B3GALT1: variants seen among roughly 807,000 people sequenced by gnomAD.
B3GALT1 encodes the protein beta-1,3-galactosyltransferase 1.
Under a neutral mutation model 23.2 loss-of-function variants are expected in B3GALT1, and 10 were observed. That is an observed-to-expected ratio of 0.43 (90% CI 0.27 to 0.73). B3GALT1 has a LOEUF of 0.73. Among genes scored for constraint, B3GALT1 ranks in the 30% least tolerant of loss-of-function variants. The probability of loss-of-function intolerance (pLI) is 0.21; values close to 1 mark genes in which losing one functional copy is unlikely to be tolerated. For synonymous variants in B3GALT1, 156 were observed against 141.5 expected (o/e 1.10, Z -0.73); for missense variants, 299 against 405.4 (o/e 0.74, Z 2.25).
At chr2:167,456,586 C>G (rs1699176899) in intron 1 of B3GALT1, among the ~76,000 whole-genome samples, 1 of 152,320 alleles carries the variant, frequency 6.6e-6, no homozygotes, top group Middle Eastern at 3.4e-3. Flanking sequence ...CCAGGTTATT[C>G]ATACTTCTGT....
chr2:167,363,556 G>A (rs1218714951), intron 1 of B3GALT1, among the ~76,000 whole-genome samples: 3 of 152,086 alleles, frequency 2.0e-5, no homozygotes, highest in Non-Finnish European at 4.4e-5. Context: ...CACAAGGAGT[G>A]GCTCACCTCC....
At chr2:167,483,013 G>A (rs2105337323) in intron 1 of B3GALT1, among the ~76,000 whole-genome samples, 1 of 152,190 alleles carries the variant, frequency 6.6e-6, no homozygotes, top group South Asian at 2.1e-4. Flanking sequence ...GAGGCCAGTG[G>A]CCAGGCGGGG....
intron 3 of B3GALT1, among the ~76,000 whole-genome samples, chr2:167,683,155 G>C (rs940470572): frequency 1.9e-4 from 29 of 152,178 alleles, no homozygotes; most frequent in African/African-American, 7.0e-4. Flanking sequence ...AATACTTTAA[G>C]CAGTTGGAGC....
At chr2:167,630,831 G>A (rs1409460174) in intron 2 of B3GALT1, among the ~76,000 whole-genome samples, 1 of 151,750 alleles carries the variant, frequency 6.6e-6, no homozygotes, top group East Asian at 1.9e-4. Flanking sequence ...AAGAAATACT[G>A]TAGAACAAAT....
rs565316774 is a variant in B3GALT1 at position 167,389,929 on chromosome 2, AAAAAAAAAGAAAG to A, written c.-511+96600_-511+96612del. ...CTGTCCAAAAAAAAAAAAAAACAAA[AAAAAAAAAGAAAG>A]AAAAGAAAACCATCGCATGAGAAGA... On this transcript the variant is annotated intron_variant, in intron 1 of 4. Coordinates refer to ENST00000392690, the MANE Select transcript of B3GALT1 (RefSeq NM_020981.4). Among the ~76,000 whole-genome samples the A allele has an allele frequency of 7.2e-3, 1,060 of 147,922 alleles. 17 individuals are homozygous for A. The highest frequency in any genetic ancestry group is 0.026 in the African/African-American group (1,006 of 38,044).
intron 1 of B3GALT1, among the ~76,000 whole-genome samples, chr2:167,486,576 G>C (rs994254260): frequency 1.6e-4 from 25 of 151,772 alleles, no homozygotes; most frequent in African/African-American, 5.8e-4. Flanking sequence ...AAACTAGCTG[G>C]GTGTTGTGGC....
intron 1 of B3GALT1, among the ~76,000 whole-genome samples, chr2:167,477,125 T>C (rs1699498734): frequency 1.3e-5 from 2 of 152,194 alleles, no homozygotes; most frequent in South Asian, 4.1e-4. Flanking sequence ...TTCAAATTCC[T>C]CCCACTTATA....
chr2:167,491,240 A>G (rs1471998582), intron 2 of B3GALT1, among the ~76,000 whole-genome samples: 1 of 152,200 alleles, frequency 6.6e-6, no homozygotes, highest in Non-Finnish European at 1.5e-5. Flanking sequence ...CAGACTGAAT[A>G]TTGAAGAATT....
At chr2:167,780,050 T>G (rs1242449049) in intron 3 of B3GALT1, among the ~76,000 whole-genome samples, 6 of 152,194 alleles carry the variant, frequency 3.9e-5, no homozygotes, top group Non-Finnish European at 8.8e-5. Context: ...ATATCACAAA[T>G]CTCAAGCAGG....
chr2:167,477,614 C>T (rs1417131168), intron 1 of B3GALT1, among the ~76,000 whole-genome samples: 2 of 152,086 alleles, frequency 1.3e-5, no homozygotes, highest in African/African-American at 2.4e-5. Flanking sequence ...ATTTTATGGG[C>T]GCTATAATGT....
intron 3 of B3GALT1, among the ~76,000 whole-genome samples, chr2:167,786,693 T>G (rs541423902): frequency 6.6e-6 from 1 of 152,340 alleles, no homozygotes; most frequent in East Asian, 1.9e-4. Context: ...GTAACTTCCC[T>G]TTTGATTGCA....
At chr2:167,532,363 G>T (rs1467515246) in intron 2 of B3GALT1, among the ~76,000 whole-genome samples, 1 of 152,032 alleles carries the variant, frequency 6.6e-6, no homozygotes, top group Non-Finnish European at 1.5e-5. Context: ...TCTTTGTTTA[G>T]GCCCTGTCCA....
intron 3 of B3GALT1, among the ~76,000 whole-genome samples, chr2:167,718,188 C>T (rs1291874166): frequency 1.3e-5 from 2 of 151,954 alleles, no homozygotes; most frequent in Non-Finnish European, 2.9e-5. Context: ...GGAAGAGCAA[C>T]TTTCTCAGCA....
intron 1 of B3GALT1, among the ~76,000 whole-genome samples, chr2:167,295,273 G>A (rs942304055): frequency 6.6e-6 from 1 of 152,088 alleles, no homozygotes. Context: ...CATCATGTCT[G>A]GCTTAAAAGT....
At chr2:167,349,637 A>G (rs1697279642) in intron 1 of B3GALT1, among the ~76,000 whole-genome samples, 2 of 152,198 alleles carry the variant, frequency 1.3e-5, no homozygotes, top group South Asian at 4.1e-4. Context: ...AGTTACAGCC[A>G]CAGTGCATGA....
At chr2:167,714,293 G>A (rs1687109397) in intron 3 of B3GALT1, 7 of 1,499,926 alleles carry the variant, frequency 4.7e-6, no homozygotes, top group South Asian at 3.4e-5. Flanking sequence ...GAGGGACCCA[G>A]TGTCAGAAGG....
At chr2:167,375,031 C>T (rs761483309) in intron 1 of B3GALT1, among the ~76,000 whole-genome samples, 2 of 152,050 alleles carry the variant, frequency 1.3e-5, no homozygotes, top group Non-Finnish European at 2.9e-5. Context: ...AGATAGGGGT[C>T]CAGTTTCATT....
intron 3 of B3GALT1, among the ~76,000 whole-genome samples, chr2:167,664,644 G>A (rs1192302374): frequency 6.6e-6 from 1 of 152,164 alleles, no homozygotes; most frequent in East Asian, 1.9e-4. Flanking sequence ...TCCTCGAGCA[G>A]TGGTTTGTAG....
chr2:167,392,884 C>T (rs1698036513), intron 1 of B3GALT1, among the ~76,000 whole-genome samples: 1 of 152,126 alleles, frequency 6.6e-6, no homozygotes, highest in South Asian at 2.1e-4. Context: ...AACACACTCT[C>T]CTCTAGAACG....
Sources: gnomAD v4.1 joint callset for allele counts (sites outside exome capture counted in the v4.1 genomes callset) on GRCh38, gnomAD v4.1.1 for gene constraint, MANE v1.5 for transcripts, NCBI Gene and HGNC (gene_info 2026-07-23, HGNC 2026-07-21) for gene names.